TET3: variants seen among roughly 807,000 people sequenced by gnomAD.
The protein encoded by TET3 is tet methylcytosine dioxygenase 3.
Under a neutral mutation model 141.4 loss-of-function variants are expected in TET3, and 19 were observed. The ratio of observed to expected loss-of-function variants is 0.13; its 90% CI spans 0.09 to 0.20. The LOEUF (loss-of-function observed/expected upper bound fraction) is 0.20. TET3 is among the 10% of genes least tolerant of loss of function. The probability of loss-of-function intolerance (pLI) is 1.00; values close to 1 mark genes in which losing one functional copy is unlikely to be tolerated. For synonymous variants in TET3, 1,043 were observed against 980.9 expected, an observed-to-expected ratio of 1.06 and a Z score of -1.18; for missense variants, 1,874 against 2,356.9, an observed-to-expected ratio of 0.80 and a Z score of 4.24.
chr2:74,108,588 G>A (rs922899611), downstream of TET3, among the ~76,000 whole-genome samples: 1 of 152,186 alleles, frequency 6.6e-6, no homozygotes, highest in Non-Finnish European at 1.5e-5. Flanking sequence ...AGTAGGGATT[G>A]GCTAATATAC....
intron 2 of TET3, among the ~76,000 whole-genome samples, chr2:73,997,673 C>T (rs1684662892): frequency 6.6e-6 from 1 of 152,232 alleles, no homozygotes; most frequent in East Asian, 1.9e-4. Flanking sequence ...GGCAGGACAT[C>T]ATCTGCTTTG....
At position 74,107,918 on chromosome 2, in the gene TET3, T is replaced by A. The variant is rs1169489656; in HGVS notation, c.*5742T>A. Reference sequence around the variant, plus strand: ...ATGCTGATAATTTTATTTTGTATAATTTTTACCTTTTTGTTAATATTTTTT... The same window carrying A: ...ATGCTGATAATTTTATTTTGTATAAATTTTACCTTTTTGTTAATATTTTTT... On this transcript the variant is annotated 3_prime_UTR_variant, in exon 12 of 12. Transcript: ENST00000409262. The A allele has an allele frequency of 1.3e-5, 2 of 152,800 alleles. No individual in the cohort carries two copies. Among genetic ancestry groups the A allele is most frequent in the African/African-American group, 4.8e-5 (2 of 41,450 alleles). 9.5% of individuals were successfully genotyped at this position (152,800 alleles called of 1,614,324 possible). A position where few individuals can be genotyped will look rare whatever the true frequency, so the allele number is the denominator to read the frequency against.
chr2:73,992,152 G>T (rs1684358128), intron 2 of TET3, among the ~76,000 whole-genome samples: 1 of 152,132 alleles, frequency 6.6e-6, no homozygotes, highest in African/African-American at 2.4e-5. Flanking sequence ...TTCTAGGGAT[G>T]GAGAGAGTGG....
chr2:74,118,841 T>C, the TET3 span, among the ~76,000 whole-genome samples: 1 of 152,194 alleles, frequency 6.6e-6, no homozygotes, highest in Non-Finnish European at 1.5e-5. Context: ...CATAACTACA[T>C]AAAATTATTG....
At chr2:74,079,361 AAAAG>A (rs1430413753) in intron 5 of TET3, among the ~76,000 whole-genome samples, 1 of 152,176 alleles carries the variant, frequency 6.6e-6, no homozygotes, top group Admixed American at 6.5e-5. Context: ...GAAAGAAAAA[AAAAG>A]AAAGCCCCTG....
chr2:74,105,643 C>T lies in TET3; in HGVS notation c.*3467C>T, dbSNP rs901488992. The T allele has an allele frequency of 2.8e-6, 1 of 360,260 alleles. No homozygotes were observed. Among genetic ancestry groups the T allele is most frequent in the Non-Finnish European group, 5.0e-6 (1 of 201,690 alleles). 22.3% of individuals were successfully genotyped at this position (360,260 alleles called of 1,614,324 possible). On this transcript the variant is annotated 3_prime_UTR_variant, in exon 12 of 12. Transcript: ENST00000409262. Reference sequence around the variant, plus strand: ...ACCCCACCGCCCCCTCTTGGTCCTTCCACCAGCCTCTTTTGGGAACAGTAG... The same window carrying T: ...ACCCCACCGCCCCCTCTTGGTCCTTTCACCAGCCTCTTTTGGGAACAGTAG...
At chr2:74,071,042 T>A (rs1318152598) in intron 4 of TET3, among the ~76,000 whole-genome samples, 1 of 152,154 alleles carries the variant, frequency 6.6e-6, no homozygotes, top group Non-Finnish European at 1.5e-5. Context: ...CTGTAGAGGC[T>A]GAGAATGCTA....
intron 3 of TET3, among the ~76,000 whole-genome samples, chr2:74,041,323 T>A (rs1226661322): frequency 1.3e-5 from 2 of 152,232 alleles, no homozygotes; most frequent in Non-Finnish European, 2.9e-5. Context: ...AGTTTTATCT[T>A]GTTCAGAACC....
chr2:74,042,155 C>T (rs752172013), intron 3 of TET3, among the ~76,000 whole-genome samples: 1 of 152,140 alleles, frequency 6.6e-6, no homozygotes, highest in Non-Finnish European at 1.5e-5. Flanking sequence ...GTGAACCGGC[C>T]CTTTCAGCCT....
At chr2:74,110,831 C>T (rs888767839), downstream of TET3, among the ~76,000 whole-genome samples, 1 of 152,164 alleles carries the variant, frequency 6.6e-6, no homozygotes, top group Non-Finnish European at 1.5e-5. Context: ...CTGTGCTGCT[C>T]CTGTGGAACA....
chr2:74,035,733 A>AAGTTCTTGCTAAACCCCGTCG (rs1331372055), intron 3 of TET3, among the ~76,000 whole-genome samples: 2 of 151,858 alleles, frequency 1.3e-5, no homozygotes, highest in Non-Finnish European at 1.5e-5. Flanking sequence ...TTTCAAAAAA[A>AAGTTCTTGCTAAACCCCGTCG]GTATGTGGTG....
At position 74,080,706 on chromosome 2, in the gene TET3, T is replaced by C. The variant is rs12328541; in HGVS notation, c.2679+115T>C. 4.6e-5 allele frequency: 8 copies of C among 173,868 alleles called. 2 individuals carry two copies. Among genetic ancestry groups the C allele is most frequent in the Non-Finnish European group, 3.4e-5 (3 of 86,984 alleles). 10.8% of individuals were successfully genotyped at this position (173,868 alleles called of 1,614,324 possible). A position where few individuals can be genotyped will look rare whatever the true frequency, so the allele number is the denominator to read the frequency against. ...TAGCTGAGCAGGCGAGGGCGGGGGG[T>C]GGGGCCAGGTGGGTGTGTAGGAGAC... On this transcript the variant is annotated intron_variant, in intron 6 of 11. Transcript: ENST00000409262.
chr2:74,014,579 C>G (rs902776470), intron 3 of TET3, among the ~76,000 whole-genome samples: 1 of 152,060 alleles, frequency 6.6e-6, no homozygotes, highest in African/African-American at 2.4e-5. Context: ...CTTTTTTACC[C>G]TAAGCAAAAT....
chr2:74,061,214 C>T (rs1340058854), intron 4 of TET3, among the ~76,000 whole-genome samples: 4 of 147,606 alleles, frequency 2.7e-5, no homozygotes, highest in African/African-American at 1.0e-4. Context: ...CACCTCCCTC[C>T]CGGACGGGGT....
intron 10 of TET3, among the ~76,000 whole-genome samples, chr2:74,096,331 A>T (rs1030548470): frequency 1.8e-4 from 28 of 152,346 alleles, no homozygotes; most frequent in African/African-American, 6.5e-4. Context: ...GCATGACACC[A>T]AACTCAGAGT....
chr2:74,004,084 G>T (rs1685018418), intron 3 of TET3, among the ~76,000 whole-genome samples: 1 of 152,114 alleles, frequency 6.6e-6, no homozygotes, highest in South Asian at 2.1e-4. Flanking sequence ...GGCTCTGTGT[G>T]GCTGCCTCTG....
chr2:74,055,929 G>A (rs949317602), intron 4 of TET3, among the ~76,000 whole-genome samples: 2 of 152,180 alleles, frequency 1.3e-5, no homozygotes, highest in African/African-American at 4.8e-5. Flanking sequence ...GCCTCAACAG[G>A]TGTGGCCCCT....
chr2:74,084,154 A>G (rs1689983712), intron 6 of TET3, among the ~76,000 whole-genome samples: 1 of 152,244 alleles, frequency 6.6e-6, no homozygotes, highest in South Asian at 2.1e-4. Context: ...CAGAGCAGGA[A>G]TTCATGGCCA....
upstream of TET3, among the ~76,000 whole-genome samples, chr2:73,984,821 CCGGCGGGGCT>C (rs924982801): frequency 2.7e-5 from 4 of 146,812 alleles, no homozygotes; most frequent in East Asian, 4.1e-4. The surrounding 1 kb of genome is among the most constrained non-coding windows in gnomAD (Gnocchi z 5.6). Flanking sequence ...CCCGGCCGGG[CCGGCGGGGCT>C]CGGCGGGGCC....
Sources: allele counts gnomAD v4.1 joint callset (sites outside exome capture counted in the v4.1 genomes callset), GRCh38; gene constraint gnomAD v4.1.1; non-coding constraint Gnocchi (gnomAD v3.1); transcripts MANE v1.5; gene names NCBI Gene and HGNC (gene_info 2026-07-23, HGNC 2026-07-21).